ZHX3: variants seen among roughly 807,000 people sequenced by gnomAD.
ZHX3 encodes zinc fingers and homeoboxes protein 3.
ZHX3 carries 20 observed loss-of-function variants against 64.5 expected under a neutral mutation model. The observed-to-expected ratio is 0.31, with a 90% confidence interval of 0.22 to 0.45. ZHX3 has a LOEUF of 0.45. Ranked by LOEUF, ZHX3 falls within the 20% of genes least tolerant of loss-of-function variation. ZHX3 has a pLI of 1.00. For missense variants in ZHX3, 1,041 were observed against 1,195.8 expected, an observed-to-expected ratio of 0.87 and a Z score of 1.91; for synonymous variants, 423 against 461.6, an observed-to-expected ratio of 0.92 and a Z score of 1.07.
intron 2 of ZHX3, chr20:41,213,604 G>A (rs528440333): frequency 2.6e-5 from 4 of 152,704 alleles, no homozygotes; most frequent in Admixed American, 1.3e-4. Context: ...GCAGAACTCA[G>A]GAGAAGCTAA....
chr20:41,188,798 A>T (rs1047566122), intron 3 of ZHX3, among the ~76,000 whole-genome samples: 1 of 152,136 alleles, frequency 6.6e-6, no homozygotes, highest in African/African-American at 2.4e-5. Context: ...ATTTTCTCCC[A>T]CTCAACATAT....
At chr20:41,306,381 T>C (rs1051580723) in intron 1 of ZHX3, among the ~76,000 whole-genome samples, 3 of 152,234 alleles carry the variant, frequency 2.0e-5, no homozygotes, top group Admixed American at 6.5e-5. Flanking sequence ...TTTATTTTAC[T>C]TGACAGAAAA....
At position 41,201,956 on chromosome 20, in the gene ZHX3, A is replaced by C; in HGVS notation, c.2860+101T>G. On this transcript the variant is annotated intron_variant, in intron 3 of 3. Coordinates refer to ENST00000683867, the MANE Select transcript of ZHX3 (RefSeq NM_001384317.1). This position sits in a 1 kb window ranked among gnomAD's most constrained non-coding sequence, Gnocchi z 5.0. ...GTTAATGCTGCTGCCAGGCAGCCTT[A>C]GAGACAGCAGATGCCCCTGTGCAGT... 3.6e-6 allele frequency: 5 copies of C among 1,407,324 alleles called. No individual in the cohort carries two copies. The highest frequency in any genetic ancestry group is 1.4e-5 in the African/African-American group (1 of 69,194). The allele number at this position is 1,407,324 out of a possible 1,614,324, so 87.2% of individuals were successfully genotyped here. A position where few individuals can be genotyped will look rare whatever the true frequency, so the allele number is the denominator to read the frequency against.
At position 41,205,080 on chromosome 20, in the gene ZHX3, G is replaced by T. The variant is rs1253161499; in HGVS notation, c.-150-14C>A. On this transcript the variant is annotated splice_polypyrimidine_tract_variant and intron_variant, in intron 2 of 3. Coordinates refer to ENST00000683867, the MANE Select transcript of ZHX3 (RefSeq NM_001384317.1). ...TCCCTATTCAATCTAAGGAAAGGGA[G>T]AAAAAAATGATTAAGTTCTCTTAAG... 1.7e-6 allele frequency: 2 copies of T among 1,199,170 alleles called. No homozygotes were observed. Among genetic ancestry groups the T allele is most frequent in the Admixed American group, 7.2e-5 (2 of 27,600 alleles). The allele number at this position is 1,199,170 out of a possible 1,614,324, so 74.3% of individuals were successfully genotyped here.
chr20:41,244,501 T>C (rs2041573834), intron 2 of ZHX3, among the ~76,000 whole-genome samples: 2 of 152,186 alleles, frequency 1.3e-5, no homozygotes, highest in Admixed American at 1.3e-4. Flanking sequence ...TAAGGCCCTG[T>C]ATCTGTTTTT....
In ZHX3 at chr20:41,259,459, G is replaced by T. The variant is rs1348921432; in HGVS notation, c.-151+9531C>A. Among the ~76,000 whole-genome samples the T allele has an allele frequency of 2.0e-5, 3 of 152,146 alleles. No homozygotes were observed. The East Asian group carries it at 5.8e-4, about 29-fold the overall frequency. The stretch of plus-strand genomic sequence containing the variant: ...TTTCATGTAGTGCTAGTAAAAAATT[G>T]GGAATAATTTAAACATCCACCAACA... On this transcript the variant is annotated intron_variant, in intron 2 of 3. Transcript: ENST00000683867.
At chr20:41,276,192 G>A (rs1299941137) in intron 1 of ZHX3, among the ~76,000 whole-genome samples, 1 of 152,088 alleles carries the variant, frequency 6.6e-6, no homozygotes, top group Non-Finnish European at 1.5e-5. Context: ...GAGTCTGTGG[G>A]ATTTTTTTTG....
rs1214518334 is a variant in ZHX3 at position 41,185,584 on chromosome 20, A to T, written c.2861-383T>A. ...GCCCTCTCCTTCCAGGCTCTCCAGAACATACTGTTCCAATATAATAGCAGC... is the reference window on the plus strand; with the variant it reads ...GCCCTCTCCTTCCAGGCTCTCCAGATCATACTGTTCCAATATAATAGCAGC... On this transcript the variant is annotated intron_variant, in intron 3 of 3. Transcript: ENST00000683867. The surrounding 1 kb of genome is among the most constrained non-coding windows in gnomAD (Gnocchi z 5.0). 2 of 364,054 alleles carry T rather than the reference A, an allele frequency of 5.5e-6. No individual in the cohort carries two copies. Among genetic ancestry groups the T allele is most frequent in the Admixed American group, 8.6e-5 (2 of 23,334 alleles). 22.6% of individuals were successfully genotyped at this position (364,054 alleles called of 1,614,324 possible).
At chr20:41,310,057 A>G (rs1390086014) in intron 1 of ZHX3, among the ~76,000 whole-genome samples, 1 of 151,956 alleles carries the variant, frequency 6.6e-6, no homozygotes, top group Non-Finnish European at 1.5e-5. Context: ...TCTCCTCCCC[A>G]TCTAGCCTAG....
intron 1 of ZHX3, among the ~76,000 whole-genome samples, chr20:41,313,099 G>C (rs1383401731): frequency 6.6e-6 from 1 of 152,212 alleles, no homozygotes; most frequent in Non-Finnish European, 1.5e-5. Flanking sequence ...GTGAGGAAAT[G>C]AGAAGAATCA....
chr20:41,248,577 C>T (rs1444358104), intron 2 of ZHX3, among the ~76,000 whole-genome samples: 16 of 152,144 alleles, frequency 1.1e-4, no homozygotes, highest in Admixed American at 1.0e-3. Flanking sequence ...GCTGCCAGAG[C>T]TCAGGAAAAG....
chr20:41,185,124 GT>G lies in ZHX3; in HGVS notation c.*66del. On this transcript the variant is annotated 3_prime_UTR_variant, in exon 4 of 4. Transcript: ENST00000683867. This position sits in a 1 kb window ranked among gnomAD's most constrained non-coding sequence, Gnocchi z 5.0. The stretch of plus-strand genomic sequence containing the variant: ...ACGGCATGTGGCAGCAGAGAGTCGG[GT>G]TTGGCTCTTCCACGTGGCAGGCGGT... The G allele has an allele frequency of 6.3e-7, 1 of 1,589,078 alleles. No homozygotes were observed. Among genetic ancestry groups the G allele is most frequent in the Non-Finnish European group, 8.6e-7 (1 of 1,166,086 alleles).
intron 3 of ZHX3, among the ~76,000 whole-genome samples, chr20:41,193,707 G>C (rs1600718664): frequency 8.0e-6 from 1 of 124,520 alleles, no homozygotes; most frequent in African/African-American, 3.7e-5. Flanking sequence ...TGTTGTTGTT[G>C]TTTTTGTTTT....
At chr20:41,190,072 C>CT (rs2036878103) in intron 3 of ZHX3, among the ~76,000 whole-genome samples, 1 of 151,928 alleles carries the variant, frequency 6.6e-6, no homozygotes, top group Admixed American at 6.6e-5. Context: ...GAGATGACCA[C>CT]ACGATTTTTG....
chr20:41,183,392 A>G lies in ZHX3; in HGVS notation c.*1799T>C, dbSNP rs1342035244. 1.3e-5 allele frequency: 2 copies of G among 152,222 alleles called. No homozygotes were observed. Among genetic ancestry groups the G allele is most frequent in the Admixed American group, 1.3e-4 (2 of 15,280 alleles). 9.4% of individuals were successfully genotyped at this position (152,222 alleles called of 1,614,324 possible). A position where few individuals can be genotyped will look rare whatever the true frequency, so the allele number is the denominator to read the frequency against. On this transcript the variant is annotated 3_prime_UTR_variant, in exon 4 of 4. Coordinates refer to ENST00000683867, the MANE Select transcript of ZHX3 (RefSeq NM_001384317.1). This position sits in a 1 kb window ranked among gnomAD's most constrained non-coding sequence, Gnocchi z 5.3. ...ACTCACAAGTCCCTGTTTGAGACAAATAAGATGTGGTCCCTATTGGGACAG... is the reference window on the plus strand; with the variant it reads ...ACTCACAAGTCCCTGTTTGAGACAAGTAAGATGTGGTCCCTATTGGGACAG...
Position 41,204,032 on chromosome 20 carries a change from G to A in ZHX3, c.885C>T (p.Ala295=). 1 of 1,614,150 alleles carries A rather than the reference G, an allele frequency of 6.2e-7. No homozygotes were observed. The highest frequency in any genetic ancestry group is 1.3e-5 in the African/African-American group (1 of 75,076). The change falls in exon 3 of 4, where the codon GCC becomes GCT. Residue 295 remains alanine (A), a synonymous_variant. Coordinates refer to ENST00000683867, the MANE Select transcript of ZHX3 (RefSeq NM_001384317.1). This position sits in a 1 kb window ranked among gnomAD's most constrained non-coding sequence, Gnocchi z 6.6. Reference sequence around the variant, plus strand: ...TCAGGGGGATCATCACTTTGGGAAGGGCCTTGGCCGTGGGCAGTGGCTGGT... The same window carrying A: ...TCAGGGGGATCATCACTTTGGGAAGAGCCTTGGCCGTGGGCAGTGGCTGGT... ...HVHQPLPTAK[A]LPKVMIPLSS... is the part of the protein sequence containing the mutation.
In ZHX3 at chr20:41,226,547, G is replaced by T. The variant is rs1478856463; in HGVS notation, c.-150-21481C>A. ...GGGATCTTATTTTTTATTCTTTTGGGTATACACTTTTTCTTGTTTAAGCTC... is the reference window on the plus strand; with the variant it reads ...GGGATCTTATTTTTTATTCTTTTGGTTATACACTTTTTCTTGTTTAAGCTC... On this transcript the variant is annotated intron_variant, in intron 2 of 3. Coordinates refer to ENST00000683867, the MANE Select transcript of ZHX3 (RefSeq NM_001384317.1). This position sits in a 1 kb window ranked among gnomAD's most constrained non-coding sequence, Gnocchi z 4.4. 6.6e-6 allele frequency among the ~76,000 whole-genome samples: 1 copy of T among 152,004 alleles called. No individual in the cohort carries two copies. Among genetic ancestry groups the T allele is most frequent in the Non-Finnish European group, 1.5e-5 (1 of 68,014 alleles).
chr20:41,265,033 A>G (rs562583183), intron 2 of ZHX3, among the ~76,000 whole-genome samples: 2 of 152,332 alleles, frequency 1.3e-5, no homozygotes, highest in East Asian at 3.9e-4. Flanking sequence ...TAAGCATTTT[A>G]TCATCACTAT....
intron 2 of ZHX3, among the ~76,000 whole-genome samples, chr20:41,255,075 A>T (rs1374195270): frequency 6.6e-6 from 1 of 152,154 alleles, no homozygotes; most frequent in Non-Finnish European, 1.5e-5. Context: ...CCACCCTACT[A>T]GAGTTTAATA....
Sources: allele counts gnomAD v4.1 joint callset (sites outside exome capture counted in the v4.1 genomes callset), GRCh38; gene constraint gnomAD v4.1.1; non-coding constraint Gnocchi (gnomAD v3.1); transcripts MANE v1.5; gene names NCBI Gene and HGNC (gene_info 2026-07-23, HGNC 2026-07-21).